INPP4B: variants seen among roughly 807,000 people sequenced by gnomAD.
INPP4B encodes inositol polyphosphate-4-phosphatase type II B, also known as inositol polyphosphate 4-phosphatase type II.
INPP4B carries 55 observed loss-of-function variants against 122.5 expected under a neutral mutation model. The observed-to-expected ratio is 0.45, with a 90% CI of 0.36 to 0.56. INPP4B has a LOEUF of 0.56. Among genes scored for constraint, INPP4B ranks in the 20% least tolerant of loss-of-function variants. INPP4B has a pLI of 0.00. For missense variants in INPP4B, 1,000 were observed against 1,097.7 expected (o/e 0.91, Z 1.26); for synonymous variants, 403 against 388.7 (o/e 1.04, Z -0.43).
intron 7 of INPP4B, among the ~76,000 whole-genome samples, chr4:142,374,438 A>C (rs1231930934): frequency 6.6e-6 from 1 of 151,946 alleles, no homozygotes; most frequent in Non-Finnish European, 1.5e-5. Flanking sequence ...AGAATAGAGA[A>C]GATTTTTTAG....
chr4:142,772,500 A>G (rs536087230), intron 1 of INPP4B, among the ~76,000 whole-genome samples: 2 of 152,176 alleles, frequency 1.3e-5, no homozygotes, highest in African/African-American at 4.8e-5. Flanking sequence ...ATGCATAGAT[A>G]TCAGTAGATG....
At chr4:142,318,647 G>C (rs550714939) in intron 7 of INPP4B, among the ~76,000 whole-genome samples, 178 of 152,260 alleles carry the variant, frequency 1.2e-3, no homozygotes, top group African/African-American at 4.2e-3. Context: ...GTCAAATAAA[G>C]CAAGGCAGAC....
chr4:142,416,318 T>C lies in INPP4B; in HGVS notation c.137-10994A>G, dbSNP rs144917166. ...GCTGTTCAATCCAGATGACTTCCCATACAACACACTGACTCATGGTCTGGG... is the reference window on the plus strand; with the variant it reads ...GCTGTTCAATCCAGATGACTTCCCACACAACACACTGACTCATGGTCTGGG... On this transcript the variant is annotated intron_variant, in intron 5 of 25. Transcript: ENST00000262992. Among the ~76,000 whole-genome samples the C allele has an allele frequency of 4.3e-3, 654 of 152,190 alleles. 5 individuals are homozygous for C. Among genetic ancestry groups the C allele is most frequent in the Non-Finnish European group, 6.8e-3 (459 of 67,994 alleles).
chr4:142,129,882 T>C (rs538940766), intron 18 of INPP4B, among the ~76,000 whole-genome samples: 5 of 152,334 alleles, frequency 3.3e-5, no homozygotes, highest in East Asian at 3.9e-4. Flanking sequence ...GACTCATTCA[T>C]TGGACAAAGA....
At chr4:142,123,935 G>A (rs531734936) in intron 19 of INPP4B, among the ~76,000 whole-genome samples, 6 of 152,196 alleles carry the variant, frequency 3.9e-5, no homozygotes, top group Non-Finnish European at 8.8e-5. Flanking sequence ...TTTAGAAAGA[G>A]AAGTCTTCTT....
Position 142,232,792 on chromosome 4 carries a change from C to T in INPP4B, c.836+5072G>A, listed in dbSNP as rs1579375324. Among the ~76,000 whole-genome samples, 5 of 152,174 alleles carry T rather than the reference C, an allele frequency of 3.3e-5. No individual in the cohort carries two copies. The South Asian group carries it at 1.0e-3, about 32-fold the overall frequency. On this transcript the variant is annotated intron_variant, in intron 12 of 25. Transcript: ENST00000262992. ...TTTTTGAAGGAAATTAAAATTGCTACCCAGTGAATACACAAATAATAAGAA... is the reference window on the plus strand; with the variant it reads ...TTTTTGAAGGAAATTAAAATTGCTATCCAGTGAATACACAAATAATAAGAA...
chr4:142,089,824 A>G (rs1578862983), intron 23 of INPP4B, among the ~76,000 whole-genome samples: 1 of 152,314 alleles, frequency 6.6e-6, no homozygotes, highest in Non-Finnish European at 1.5e-5. Context: ...TCCTAGGATC[A>G]ACATAAAACA....
chr4:142,626,754 C>G (rs1746512892), intron 2 of INPP4B, among the ~76,000 whole-genome samples: 1 of 152,018 alleles, frequency 6.6e-6, no homozygotes, highest in Non-Finnish European at 1.5e-5. Context: ...TTCACTCTGT[C>G]TTTCTACTTG....
At chr4:142,416,113 C>G (rs1805709660) in intron 5 of INPP4B, among the ~76,000 whole-genome samples, 1 of 152,064 alleles carries the variant, frequency 6.6e-6, no homozygotes, top group African/African-American at 2.4e-5. Flanking sequence ...TGTAACTAAC[C>G]TGCACGTTGT....
At chr4:142,038,471 A>AAAAG (rs1745317241) in intron 25 of INPP4B, among the ~76,000 whole-genome samples, 1 of 152,228 alleles carries the variant, frequency 6.6e-6, no homozygotes, top group Admixed American at 6.5e-5. Context: ...AGTTTGCTAC[A>AAAAG]AAAGAAAGAG....
At chr4:142,330,641 A>C (rs1277446916) in intron 7 of INPP4B, among the ~76,000 whole-genome samples, 1 of 152,210 alleles carries the variant, frequency 6.6e-6, no homozygotes, top group Non-Finnish European at 1.5e-5. Flanking sequence ...CTGTTCCCTT[A>C]AGCCATTCAA....
intron 18 of INPP4B, among the ~76,000 whole-genome samples, chr4:142,145,025 C>T (rs995767106): frequency 6.6e-6 from 1 of 152,010 alleles, no homozygotes; most frequent in Non-Finnish European, 1.5e-5. Flanking sequence ...TGACTCAACC[C>T]TAACAGCAGT....
chr4:142,531,983 T>TTAATA (rs1223757464), intron 2 of INPP4B, among the ~76,000 whole-genome samples: 1 of 152,210 alleles, frequency 6.6e-6, no homozygotes, highest in African/African-American at 2.4e-5. Context: ...ACATATTGAC[T>TTAATA]TGTCCTGTTC....
chr4:142,239,955 T>C (rs562770128), intron 11 of INPP4B, among the ~76,000 whole-genome samples: 1 of 152,256 alleles, frequency 6.6e-6, no homozygotes, highest in South Asian at 2.1e-4. Flanking sequence ...TGCTTGCCTT[T>C]TATACATCAA....
intron 5 of INPP4B, among the ~76,000 whole-genome samples, chr4:142,408,684 C>T (rs950375445): frequency 5.9e-5 from 9 of 152,168 alleles, no homozygotes; most frequent in African/African-American, 2.2e-4. Flanking sequence ...GAAAGCAATG[C>T]TTTGGGATTT....
chr4:142,372,803 A>G (rs1300632092), intron 7 of INPP4B, among the ~76,000 whole-genome samples: 1 of 152,016 alleles, frequency 6.6e-6, no homozygotes, highest in Non-Finnish European at 1.5e-5. Context: ...GGAAGGAGTA[A>G]TTAGCTCAGT....
chr4:142,688,325 A>G (rs750340425), intron 2 of INPP4B, among the ~76,000 whole-genome samples: 1 of 152,156 alleles, frequency 6.6e-6, no homozygotes, highest in Non-Finnish European at 1.5e-5. Context: ...AAAACACAGC[A>G]GGACTGTGTA....
intron 2 of INPP4B, among the ~76,000 whole-genome samples, chr4:142,574,574 A>C (rs1173889017): frequency 6.6e-6 from 1 of 152,120 alleles, no homozygotes; most frequent in African/African-American, 2.4e-5. Flanking sequence ...CCATGTTCTC[A>C]CGTCACTTTC....
intron 25 of INPP4B, among the ~76,000 whole-genome samples, chr4:142,053,092 T>C (rs1337105873): frequency 6.6e-6 from 1 of 151,968 alleles, no homozygotes; most frequent in Non-Finnish European, 1.5e-5. Context: ...TGGGAGAGAC[T>C]TCACAGAGAT....
Sources: allele counts gnomAD v4.1 joint callset (sites outside exome capture counted in the v4.1 genomes callset), GRCh38; gene constraint gnomAD v4.1.1; transcripts MANE v1.5; gene names NCBI Gene and HGNC (gene_info 2026-07-23, HGNC 2026-07-21).